The following ABCC4 variants were observed in gnomAD, a reference collection of about 807,000 sequenced individuals.
ABCC4 encodes ATP-binding cassette sub-family C member 4.
ABCC4 carries 102 observed loss-of-function variants against 168.5 expected under a neutral mutation model. The ratio of observed to expected loss-of-function variants is 0.61; its 90% CI spans 0.52 to 0.71. The LOEUF (loss-of-function observed/expected upper bound fraction) is 0.71, where lower values mean the gene tolerates loss of function less well. Among genes scored for constraint, ABCC4 ranks in the 30% least tolerant of loss-of-function variants. The probability of loss-of-function intolerance (pLI) is 0.00; values close to 1 mark genes in which losing one functional copy is unlikely to be tolerated. For missense variants in ABCC4, 1,402 were observed against 1,605.8 expected (o/e 0.87, Z 2.17); for synonymous variants, 617 against 590.7 (o/e 1.04, Z -0.65).
chr13:95,082,625 T>C (rs1030133592), intron 21 of ABCC4, among the ~76,000 whole-genome samples: 2 of 152,226 alleles, frequency 1.3e-5, no homozygotes, highest in African/African-American at 4.8e-5. Flanking sequence ...CCTAGCCATT[T>C]TGTGAGTTTG....
At chr13:95,143,059 T>G (rs1440707160) in intron 19 of ABCC4, among the ~76,000 whole-genome samples, 1 of 152,112 alleles carries the variant, frequency 6.6e-6, no homozygotes, top group Non-Finnish European at 1.5e-5. Flanking sequence ...AAGAAATTTT[T>G]CAGCTGGGGT....
chr13:95,264,703 G>A (rs938820831), intron 1 of ABCC4, among the ~76,000 whole-genome samples: 1 of 152,100 alleles, frequency 6.6e-6, no homozygotes, highest in Admixed American at 6.6e-5. Flanking sequence ...TACATTATAG[G>A]ATCCTGGGCC....
chr13:95,124,048 G>A (rs1035273841), intron 19 of ABCC4, among the ~76,000 whole-genome samples: 4 of 152,204 alleles, frequency 2.6e-5, no homozygotes, highest in South Asian at 4.1e-4. Context: ...CCTAAGGTGT[G>A]CTGATAGGAG....
intron 1 of ABCC4, among the ~76,000 whole-genome samples, chr13:95,284,290 G>A (rs944204926): frequency 3.3e-5 from 5 of 152,100 alleles, no homozygotes. Flanking sequence ...GGGCTCAGGT[G>A]ATCCTCCCAC....
At chr13:95,278,833 A>AG (rs2041040201) in intron 1 of ABCC4, among the ~76,000 whole-genome samples, 2 of 144,928 alleles carry the variant, frequency 1.4e-5, no homozygotes, top group African/African-American at 2.5e-5. Context: ...AAAAAAAAAA[A>AG]CACAGACTGA....
intron 1 of ABCC4, 141 bp downstream of exon 1, chr13:95,301,100 G>A (rs1265464776): frequency 1.3e-6 from 1 of 766,210 alleles, no homozygotes; most frequent in Non-Finnish European, 1.9e-6. Flanking sequence ...AGAAAGCCCC[G>A]GCGTGGACCG....
At chr13:95,293,018 G>A (rs879130946) in intron 1 of ABCC4, among the ~76,000 whole-genome samples, 1 of 152,102 alleles carries the variant, frequency 6.6e-6, no homozygotes, top group Admixed American at 6.6e-5. Context: ...GCGACTGAGG[G>A]GTGGTCATTC....
intron 3 of ABCC4, 133 bp from the exon 4 acceptor site, chr13:95,234,967 A>G: frequency 1.5e-6 from 1 of 680,372 alleles, no homozygotes; most frequent in Non-Finnish European, 2.4e-6. Flanking sequence ...CCCAGCTCAC[A>G]GCAGCCTCGA....
chr13:95,212,708 T>C (rs1303059140), intron 4 of ABCC4, among the ~76,000 whole-genome samples: 1 of 151,808 alleles, frequency 6.6e-6, no homozygotes, highest in African/African-American at 2.4e-5. Flanking sequence ...ACTCGGGTTG[T>C]AATAGAAGTT....
chr13:95,264,864 CTTTTTT>C (rs55932446), intron 1 of ABCC4, among the ~76,000 whole-genome samples: 43 of 106,482 alleles, frequency 4.0e-4, no homozygotes, highest in African/African-American at 1.2e-3. Flanking sequence ...CTACAATCCA[CTTTTTT>C]TTTTTTTTTT....
intron 3 of ABCC4, among the ~76,000 whole-genome samples, chr13:95,240,142 C>T (rs1419261838): frequency 2.6e-5 from 4 of 152,164 alleles, no homozygotes; most frequent in East Asian, 1.9e-4. Flanking sequence ...AATGATACAG[C>T]ATGCAAGGAT....
chr13:95,266,974 A>G (rs2040698587), intron 1 of ABCC4, among the ~76,000 whole-genome samples: 1 of 149,116 alleles, frequency 6.7e-6, no homozygotes, highest in African/African-American at 2.5e-5. Context: ...GGTTCAAGTG[A>G]TTCTCCTGCC....
intron 27 of ABCC4, among the ~76,000 whole-genome samples, chr13:95,046,105 C>CT (rs1468339158): frequency 3.3e-5 from 5 of 152,266 alleles, no homozygotes; most frequent in Middle Eastern, 3.4e-3. Flanking sequence ...AAGAAGAGGA[C>CT]TTGCTGAGTA....
chr13:95,088,406 A>G (rs1594075697), intron 20 of ABCC4, among the ~76,000 whole-genome samples: 1 of 152,242 alleles, frequency 6.6e-6, no homozygotes, highest in East Asian at 1.9e-4. Context: ...TGACTTAATG[A>G]TGACCTAAAG....
chr13:95,096,156 G>T, intron 20 of ABCC4: 1 of 640,802 alleles, frequency 1.6e-6, no homozygotes, highest in Middle Eastern at 2.4e-4. Context: ...AGACCAGCCA[G>T]GACAACACAG....
At chr13:95,142,867 A>C (rs1208346852) in intron 19 of ABCC4, among the ~76,000 whole-genome samples, 3 of 152,202 alleles carry the variant, frequency 2.0e-5, no homozygotes, top group Non-Finnish European at 2.9e-5. Flanking sequence ...AACAAGAAAG[A>C]AAGCAAATCT....
Position 95,043,708 on chromosome 13 carries a change from T to C in ABCC4, c.3709A>G (p.Thr1237Ala), listed in dbSNP as rs768231199. Reference sequence around the variant, plus strand: ...ATTATCTTGTCGCTGTCAATAATGGTGTTCAATCTGTGTGCAATGGTTAGC... The same window carrying C: ...ATTATCTTGTCGCTGTCAATAATGGCGTTCAATCTGTGTGCAATGGTTAGC... ...TVLTIAHRLN[T>A]IIDSDKIMVL... Residue 1237 changes from threonine to alanine, a missense_variant, in exon 29 of 31, where the codon ACC (threonine) becomes GCC (alanine). Physicochemically the swap from Thr to Ala is moderately conservative, Grantham distance 58. Transcript: ENST00000645237. The C allele has an allele frequency of 2.5e-6, 4 of 1,613,638 alleles. No homozygotes were observed. The highest frequency in any genetic ancestry group is 2.5e-6 in the Non-Finnish European group (3 of 1,179,764).
chr13:95,109,437 C>T (rs2035126338), intron 20 of ABCC4, among the ~76,000 whole-genome samples: 1 of 151,396 alleles, frequency 6.6e-6, no homozygotes, highest in South Asian at 2.1e-4. Context: ...AACAGTCTGG[C>T]ATGCACATAG....
intron 20 of ABCC4, among the ~76,000 whole-genome samples, chr13:95,097,082 G>T (rs1354124462): frequency 1.3e-5 from 2 of 151,982 alleles, no homozygotes; most frequent in East Asian, 3.9e-4. Context: ...ATAATAGTAA[G>T]ATTATTCTAT....
Sources: gnomAD v4.1 joint callset for allele counts (sites outside exome capture counted in the v4.1 genomes callset) on GRCh38, gnomAD v4.1.1 for gene constraint, MANE v1.5 for transcripts, NCBI Gene and HGNC (gene_info 2026-07-23, HGNC 2026-07-21) for gene names.